CALM2: variants seen among roughly 807,000 people sequenced by gnomAD.
CALM2 encodes the protein calmodulin-2.
A neutral mutation model predicts 19.8 loss-of-function variants in CALM2; 2 were observed. That is an observed-to-expected ratio of 0.10 (90% CI 0.04 to 0.32). CALM2 has a LOEUF of 0.32. CALM2 is among the 10% of genes least tolerant of loss of function. The probability of loss-of-function intolerance (pLI) is 1.00; values close to 1 mark genes in which losing one functional copy is unlikely to be tolerated. For missense variants in CALM2, 38 were observed against 178.7 expected (o/e 0.21, Z 4.49); for synonymous variants, 51 against 52.1 (o/e 0.98, Z 0.09).
intron 1 of CALM2, among the ~76,000 whole-genome samples, chr2:47,174,892 T>G (rs1666796272): frequency 6.6e-6 from 1 of 152,096 alleles, no homozygotes; most frequent in Non-Finnish European, 1.5e-5. Context: ...CCATCAAACG[T>G]CAATGAACGC....
chr2:47,168,309 G>A (rs773606646), intron 2 of CALM2, among the ~76,000 whole-genome samples: 1 of 152,152 alleles, frequency 6.6e-6, no homozygotes, highest in Non-Finnish European at 1.5e-5. Flanking sequence ...CCTAAGAACA[G>A]ATTTTTTTCC....
chr2:47,170,943 C>T (rs1666646337), intron 1 of CALM2, 179 bp from the exon 2 acceptor site: 2 of 599,280 alleles, frequency 3.3e-6, no homozygotes, highest in South Asian at 4.2e-5. Context: ...GCTAAGCTGT[C>T]TTAACTCCAA....
rs575041831 is a variant in CALM2 at position 47,160,437 on chromosome 2, C to G, written c.*339G>C. 1 of 197,030 alleles carries G rather than the reference C, an allele frequency of 5.1e-6. No homozygotes were observed. Among genetic ancestry groups the G allele is most frequent in the Non-Finnish European group, 1.0e-5 (1 of 97,640 alleles). The allele number at this position is 197,030 out of a possible 1,614,324, so 12.2% of individuals were successfully genotyped here. On this transcript the variant is annotated 3_prime_UTR_variant, in exon 6 of 6. Coordinates refer to ENST00000272298, the MANE Select transcript of CALM2 (RefSeq NM_001743.6). ...GAGTTACAACTCCACACTTCAACAA[C>G]AACATGCTGACAGTTCCTAAAGAAA...
At chr2:47,161,954 G>T in intron 4 of CALM2, 96 bp from the exon 5 acceptor site, 1 of 1,026,824 alleles carries the variant, frequency 9.7e-7, no homozygotes, top group Non-Finnish European at 1.5e-6. Flanking sequence ...CACATTGGGG[G>T]AAAAACATAC....
intron 1 of CALM2, 139 bp downstream of exon 1, chr2:47,176,302 C>A: frequency 3.9e-6 from 4 of 1,035,080 alleles, no homozygotes; most frequent in Non-Finnish European, 4.2e-6. Flanking sequence ...CGCCGGCATC[C>A]CTGGCCTCTT....
chr2:47,174,143 A>G (rs1333224812), intron 1 of CALM2: 1 of 152,230 alleles, frequency 6.6e-6, no homozygotes, highest in Non-Finnish European at 1.5e-5. Flanking sequence ...GTCCTCTTGA[A>G]GCAATCCCGT....
At position 47,175,097 on chromosome 2, in the gene CALM2, T is replaced by TTTTTTTTTTTTTTTC. The variant is rs751897252; in HGVS notation, c.3+1343_3+1344insGAAAAAAAAAAAAAA. The stretch of plus-strand genomic sequence containing the variant: ...TCATTAGGTGTTTTTTTTTTTTTTT[T>TTTTTTTTTTTTTTTC]TCAGGAAAGAACATGATCTCCCAGT... On this transcript the variant is annotated intron_variant, in intron 1 of 5. Transcript: ENST00000272298. Among the ~76,000 whole-genome samples the TTTTTTTTTTTTTTTC allele has an allele frequency of 2.3e-4, 29 of 126,636 alleles. 2 individuals carry two copies. Among genetic ancestry groups the TTTTTTTTTTTTTTTC allele is most frequent in the African/African-American group, 1.0e-3 (26 of 25,498 alleles). The allele number at this position is 126,636 out of a possible 152,430, so 83.1% of individuals were successfully genotyped here. A position where few individuals can be genotyped will look rare whatever the true frequency, so the allele number is the denominator to read the frequency against.
At chr2:47,165,853 C>T (rs1403886273) in intron 2 of CALM2, among the ~76,000 whole-genome samples, 13 of 152,236 alleles carry the variant, frequency 8.5e-5, no homozygotes, top group Admixed American at 8.5e-4. Flanking sequence ...CCACTTTTAA[C>T]TCTTTCAGTC....
rs778197988 is a variant in CALM2, at chr2:47,162,401, G to T, written c.179-9C>A. 1 of 1,607,816 alleles carries T rather than the reference G, an allele frequency of 6.2e-7. No individual in the cohort carries two copies. The highest frequency in any genetic ancestry group is 1.7e-5 in the Admixed American group (1 of 59,424). On this transcript the variant is annotated splice_polypyrimidine_tract_variant and intron_variant, in intron 3 of 5. Coordinates refer to ENST00000272298, the MANE Select transcript of CALM2 (RefSeq NM_001743.6). ...GTCAATTGTGCCATTACCTGAAATGGTTTAGTGGAAACATCAAAGCTTTAG... is the reference window on the plus strand; with the variant it reads ...GTCAATTGTGCCATTACCTGAAATGTTTTAGTGGAAACATCAAAGCTTTAG...
At chr2:47,163,338 C>A (rs1687214534) in intron 2 of CALM2, 2 of 152,096 alleles carry the variant, frequency 1.3e-5, no homozygotes, top group African/African-American at 4.8e-5. Flanking sequence ...GAACAAAGAT[C>A]ATTTTGAGCT....
At chr2:47,175,392 T>C (rs370280897) in intron 1 of CALM2, among the ~76,000 whole-genome samples, 18 of 152,216 alleles carry the variant, frequency 1.2e-4, no homozygotes, top group African/African-American at 4.1e-4. Context: ...ATCCAATTGT[T>C]ACAAGACCGA....
chr2:47,164,779 T>C (rs1329657494), intron 2 of CALM2, among the ~76,000 whole-genome samples: 3 of 152,168 alleles, frequency 2.0e-5, no homozygotes, highest in African/African-American at 4.8e-5. Flanking sequence ...TTTCCCAACA[T>C]AGCCATACAT....
intron 2 of CALM2, among the ~76,000 whole-genome samples, chr2:47,166,811 C>G (rs1046755167): frequency 2.6e-5 from 4 of 152,102 alleles, no homozygotes; most frequent in African/African-American, 7.2e-5. Context: ...CCTAAACACA[C>G]AATAAAGAGA....
rs1484693159 is a variant in CALM2, at chr2:47,172,737, C to G, written c.4-1973G>C. 3.3e-5 allele frequency: 7 copies of G among 212,558 alleles called. 1 individual carries two copies. The highest frequency in any genetic ancestry group is 2.1e-4 in the South Asian group (4 of 18,684). The allele number at this position is 212,558 out of a possible 1,614,324, so 13.2% of individuals were successfully genotyped here. ...GCTAAATGTGTGGCAGACACTGCAG[C>G]CTGTGTGAAAGTTGAAGGATCCCGT... On this transcript the variant is annotated intron_variant, in intron 1 of 5. Transcript: ENST00000272298.
At chr2:47,171,314 A>G (rs1173780864) in intron 1 of CALM2, 1 of 152,562 alleles carries the variant, frequency 6.6e-6, no homozygotes, top group Admixed American at 6.5e-5. Flanking sequence ...TTGGTTTTTA[A>G]AATCCCAAAG....
In CALM2 at chr2:47,168,437, T is replaced by G. The variant is rs114416221; in HGVS notation, c.34+2297A>C. Among the ~76,000 whole-genome samples, 1,441 of 152,224 alleles carry G rather than the reference T, an allele frequency of 9.5e-3. 32 individuals carry two copies. The highest frequency in any genetic ancestry group is 0.032 in the African/African-American group (1,336 of 41,540). On this transcript the variant is annotated intron_variant, in intron 2 of 5. Transcript: ENST00000272298. ...CACAGTTTTGATGAACTACAAGTAT[T>G]CTTTATAAGAATTCTACCAGGCCAG...
intron 1 of CALM2, chr2:47,173,179 C>G (rs1573230547): frequency 6.6e-6 from 1 of 152,168 alleles, no homozygotes; most frequent in Non-Finnish European, 1.5e-5. Context: ...TACTATAAAT[C>G]AAGAAGACTT....
At chr2:47,173,444 C>G (rs2103851096) in intron 1 of CALM2, 1 of 152,296 alleles carries the variant, frequency 6.6e-6, no homozygotes, top group Middle Eastern at 3.4e-3. Context: ...AGTTCCTAGG[C>G]ATTAGTATAC....
chr2:47,176,329 G>A (rs906682315), intron 1 of CALM2, 112 bp downstream of exon 1: 28 of 1,340,512 alleles, frequency 2.1e-5, no homozygotes, highest in African/African-American at 2.9e-5. Flanking sequence ...CATCCCTCTG[G>A]CAGAAACCAC....
Sources: gnomAD v4.1 joint callset for allele counts (sites outside exome capture counted in the v4.1 genomes callset) on GRCh38, gnomAD v4.1.1 for gene constraint, MANE v1.5 for transcripts, NCBI Gene and HGNC (gene_info 2026-07-23, HGNC 2026-07-21) for gene names.